Variants in LZTFL1 observed in about 807,000 individuals in gnomAD.
LZTFL1 encodes the protein leucine zipper transcription factor-like protein 1.
A neutral mutation model predicts 45.9 loss-of-function variants in LZTFL1; 25 were observed. That is an observed-to-expected ratio of 0.54 (90% CI 0.40 to 0.76). The LOEUF (loss-of-function observed/expected upper bound fraction) is 0.76. LZTFL1 is among the 30% of genes least tolerant of loss of function. The pLI, the probability that LZTFL1 is intolerant of heterozygous loss-of-function variation, is 0.00. For missense variants in LZTFL1, 277 were observed against 331.1 expected (o/e 0.84, Z 1.27); for synonymous variants, 93 against 117.4 (o/e 0.79, Z 1.35).
At chr3:45,895,363 T>C (rs188742127) in intron 2 of LZTFL1, among the ~76,000 whole-genome samples, 94 of 152,380 alleles carry the variant, frequency 6.2e-4, no homozygotes, top group African/African-American at 2.2e-3. Context: ...GTAGACCTTA[T>C]GAAAACACGT....
chr3:45,855,105 T>G, intron 3 of LZTFL1: 1 of 1,340,134 alleles, frequency 7.5e-7, no homozygotes, highest in Non-Finnish European at 1.0e-6. Context: ...TTAAAAATTA[T>G]AAGTTGTATC....
At chr3:45,876,325 A>T (rs1701748524) in intron 2 of LZTFL1, among the ~76,000 whole-genome samples, 1 of 152,192 alleles carries the variant, frequency 6.6e-6, no homozygotes, top group Admixed American at 6.5e-5. Flanking sequence ...TTGGTCATTT[A>T]TTGGATTTCT....
At chr3:45,864,670 T>C (rs1701550413) in intron 2 of LZTFL1, among the ~76,000 whole-genome samples, 7 of 152,172 alleles carry the variant, frequency 4.6e-5, no homozygotes, top group Admixed American at 4.6e-4. Flanking sequence ...ATAAGTACCA[T>C]TTAATGTAGT....
At chr3:45,845,800 G>C (rs1490329691), upstream of LZTFL1, among the ~76,000 whole-genome samples, 1 of 152,156 alleles carries the variant, frequency 6.6e-6, no homozygotes, top group South Asian at 2.1e-4. Flanking sequence ...CAAAGCTGGG[G>C]CTGTGTAGTC....
At chr3:45,877,745 T>G (rs1701773688) in intron 2 of LZTFL1, among the ~76,000 whole-genome samples, 1 of 151,172 alleles carries the variant, frequency 6.6e-6, no homozygotes, top group Non-Finnish European at 1.5e-5. Context: ...TTATTAGTTT[T>G]TTTTTTTTTT....
At chr3:45,827,320 A>G (rs780950190) in intron 9 of LZTFL1, 36 bp downstream of exon 9, 2 of 1,427,326 alleles carry the variant, frequency 1.4e-6, no homozygotes, top group Admixed American at 3.4e-5. Flanking sequence ...ATCAATCCAG[A>G]GAGAGAAATC....
At chr3:45,854,799 C>G (rs2125704525) in intron 4 of LZTFL1, among the ~76,000 whole-genome samples, 1 of 152,358 alleles carries the variant, frequency 6.6e-6, no homozygotes, top group Admixed American at 6.5e-5. Flanking sequence ...GTTCTCCTCT[C>G]TCTCCTGCTG....
intron 2 of LZTFL1, among the ~76,000 whole-genome samples, chr3:45,882,797 CTAT>C (rs10575190): frequency 0.37 from 54,249 of 145,174 alleles, 10,392 homozygotes; most frequent in Admixed American, 0.41. Context: ...AAAGGGGATA[CTAT>C]TATTATTATT....
At chr3:45,879,654 T>G (rs1701816653) in intron 2 of LZTFL1, among the ~76,000 whole-genome samples, 3 of 152,152 alleles carry the variant, frequency 2.0e-5, no homozygotes, top group Non-Finnish European at 4.4e-5. Context: ...TAAACTACTT[T>G]GGGTGATAGT....
chr3:45,831,921 G>A (rs1297373210), intron 5 of LZTFL1, among the ~76,000 whole-genome samples: 1 of 152,074 alleles, frequency 6.6e-6, no homozygotes, highest in East Asian at 1.9e-4. Context: ...TAGAACATCA[G>A]TTCTACTTTC....
chr3:45,858,587 T>C (rs1421983910), intron 3 of LZTFL1, among the ~76,000 whole-genome samples: 1 of 152,140 alleles, frequency 6.6e-6, no homozygotes, highest in Non-Finnish European at 1.5e-5. Flanking sequence ...CTCTATAAAC[T>C]ACAGAATGAA....
chr3:45,891,085 C>T (rs1197094065), intron 2 of LZTFL1, among the ~76,000 whole-genome samples: 4 of 152,176 alleles, frequency 2.6e-5, no homozygotes, highest in African/African-American at 9.7e-5. Flanking sequence ...CCTGCAAACA[C>T]GTGTGTTACT....
At chr3:45,887,640 C>T (rs541506951) in intron 2 of LZTFL1, among the ~76,000 whole-genome samples, 12 of 152,336 alleles carry the variant, frequency 7.9e-5, no homozygotes, top group African/African-American at 1.2e-4. Flanking sequence ...CTTTCCTGAA[C>T]GAGCAAAAGC....
chr3:45,869,976 C>T (rs1474894605), intron 2 of LZTFL1, among the ~76,000 whole-genome samples: 2 of 152,256 alleles, frequency 1.3e-5, no homozygotes, highest in Admixed American at 1.3e-4. Context: ...TCTGCTTTTG[C>T]ATTTTCCTCC....
chr3:45,879,822 A>G (rs1302942628), intron 2 of LZTFL1, among the ~76,000 whole-genome samples: 3 of 152,226 alleles, frequency 2.0e-5, no homozygotes, highest in South Asian at 2.1e-4. Flanking sequence ...GCTCTAAAAA[A>G]CAAAGCCTAT....
intron 1 of LZTFL1, 42 bp from the exon 2 acceptor site, chr3:45,838,093 C>A: frequency 6.4e-7 from 1 of 1,558,272 alleles, no homozygotes; most frequent in Non-Finnish European, 8.7e-7. Flanking sequence ...TTTTGAAGAT[C>A]TGATCAAAGA....
intron 4 of LZTFL1, among the ~76,000 whole-genome samples, chr3:45,833,773 G>C (rs982640256): frequency 6.6e-6 from 1 of 152,288 alleles, no homozygotes; most frequent in African/African-American, 2.4e-5. Context: ...AAGTGGAATG[G>C]TAAGTGGCCA....
intron 2 of LZTFL1, 133 bp downstream of exon 2, chr3:45,837,794 G>A: frequency 4.4e-6 from 4 of 904,518 alleles, no homozygotes; most frequent in South Asian, 2.1e-5. Flanking sequence ...GAGGCTTAGT[G>A]TAGCTGCTCT....
chr3:45,824,813 TG>T lies in LZTFL1; in HGVS notation c.*1500del, dbSNP rs1559398881. ...AATTTAGGGCTAAAGAAATACAGGG[TG>T]AGAATGAAGCCCTCAACAAAAGCTC... On this transcript the variant is annotated 3_prime_UTR_variant, in exon 10 of 10. Coordinates refer to ENST00000296135, the MANE Select transcript of LZTFL1 (RefSeq NM_020347.4). 2.5e-6 allele frequency: 1 copy of T among 398,278 alleles called. No homozygotes were observed. Among genetic ancestry groups the T allele is most frequent in the Non-Finnish European group, 4.4e-6 (1 of 225,874 alleles). The allele number at this position is 398,278 out of a possible 1,614,324, so 24.7% of individuals were successfully genotyped here.
Sources: allele counts gnomAD v4.1 joint callset (sites outside exome capture counted in the v4.1 genomes callset), GRCh38; gene constraint gnomAD v4.1.1; transcripts MANE v1.5; gene names NCBI Gene and HGNC (gene_info 2026-07-23, HGNC 2026-07-21).